The following HACE1 variants were observed in gnomAD, a reference collection of about 807,000 sequenced individuals.
HACE1 encodes E3 ubiquitin-protein ligase HACE1.
In HACE1, 73 loss-of-function variants were observed where a neutral mutation model predicts 118.4. The observed-to-expected ratio is 0.62, with a 90% CI of 0.51 to 0.75. HACE1 has a LOEUF of 0.75. Ranked by LOEUF, HACE1 falls within the 30% of genes least tolerant of loss-of-function variation. The probability of loss-of-function intolerance (pLI) is 0.00; values close to 1 mark genes in which losing one functional copy is unlikely to be tolerated. For missense variants in HACE1, 749 were observed against 1,102.2 expected (o/e 0.68, Z 4.54); for synonymous variants, 368 against 374.8 (o/e 0.98, Z 0.21).
intron 6 of HACE1, among the ~76,000 whole-genome samples, chr6:104,812,320 G>A (rs1343533914): frequency 6.6e-6 from 1 of 152,018 alleles, no homozygotes; most frequent in East Asian, 1.9e-4. Flanking sequence ...GCACATCATA[G>A]TAGTAGGCCT....
chr6:104,739,821 T>C (rs1206242911), intron 22 of HACE1, among the ~76,000 whole-genome samples: 5 of 151,574 alleles, frequency 3.3e-5, no homozygotes, highest in South Asian at 2.1e-4. Context: ...GCGGACCTAA[T>C]AGACATCTAC....
intron 22 of HACE1, among the ~76,000 whole-genome samples, chr6:104,736,447 G>A (rs1472232046): frequency 6.6e-6 from 1 of 151,970 alleles, no homozygotes; most frequent in African/African-American, 2.4e-5. Context: ...ACCATGCCCA[G>A]ATAATTTTTG....
In HACE1 at chr6:104,790,637, C is replaced by T. The variant is rs1432427310; in HGVS notation, c.1074+867G>A. Among the ~76,000 whole-genome samples, 3 of 152,214 alleles carry T rather than the reference C, an allele frequency of 2.0e-5. No individual in the cohort carries two copies. The East Asian group carries it at 5.8e-4, about 29-fold the overall frequency. On this transcript the variant is annotated intron_variant, in intron 11 of 23. Transcript: ENST00000262903. Reference sequence around the variant, plus strand: ...GGTATGGTGGCATGCACCTCTAGTCCCAGCTACTGGGGAGGTTGAGGTGGG... The same window carrying T: ...GGTATGGTGGCATGCACCTCTAGTCTCAGCTACTGGGGAGGTTGAGGTGGG...
intron 19 of HACE1, 40 bp from the exon 20 acceptor site, chr6:104,750,512 C>A (rs1391710396): frequency 1.3e-6 from 2 of 1,557,624 alleles, no homozygotes; most frequent in Non-Finnish European, 1.8e-6. Context: ...TTTCAAAAAC[C>A]TTTTACATAC....
intron 22 of HACE1, among the ~76,000 whole-genome samples, chr6:104,738,127 C>G (rs1292857953): frequency 6.6e-6 from 1 of 151,542 alleles, no homozygotes; most frequent in Admixed American, 6.6e-5. Flanking sequence ...AGAAGGAAAA[C>G]TAACAAACAG....
intron 4 of HACE1, among the ~76,000 whole-genome samples, chr6:104,848,161 T>C (rs1775843472): frequency 6.6e-6 from 1 of 151,096 alleles, no homozygotes; most frequent in Admixed American, 6.6e-5. Context: ...TTTACAGTGT[T>C]TGAAAGTGTT....
At chr6:104,751,760 T>C (rs1021221075) in intron 19 of HACE1, among the ~76,000 whole-genome samples, 1 of 152,148 alleles carries the variant, frequency 6.6e-6, no homozygotes, top group African/African-American at 2.4e-5. Flanking sequence ...TTATCATTTA[T>C]ATATTTTTTA....
In HACE1 at chr6:104,777,108, A is replaced by C. The variant is rs780801648; in HGVS notation, c.1681T>G (p.Ser561Ala). The C allele has an allele frequency of 1.2e-6, 2 of 1,602,424 alleles. No individual in the cohort carries two copies. The highest frequency in any genetic ancestry group is 2.7e-5 in the African/African-American group (2 of 74,862). ...ACTTCACAGCTACTCCTAAAAATAG[A>C]ATCTAAATATGTAGCATTGGTTAAT... ...ENDILLVHRD[S>A]IFRSSCEVVS... The change falls in exon 16 of 24, where the codon TCT becomes GCT. Residue 561 changes from serine to alanine, a missense_variant and splice_region_variant. Coordinates refer to ENST00000262903, the MANE Select transcript of HACE1 (RefSeq NM_020771.4).
At chr6:104,751,131 C>A (rs1191595698) in intron 19 of HACE1, among the ~76,000 whole-genome samples, 1 of 152,140 alleles carries the variant, frequency 6.6e-6, no homozygotes, top group Non-Finnish European at 1.5e-5. Context: ...TCTGGCTATT[C>A]CCAAAACACA....
At chr6:104,769,384 C>T (rs1348748548) in intron 19 of HACE1, among the ~76,000 whole-genome samples, 1 of 152,122 alleles carries the variant, frequency 6.6e-6, no homozygotes, top group East Asian at 1.9e-4. Context: ...ATAGTATTCA[C>T]AGATAAGAAT....
chr6:104,798,934 G>T (rs936662749), intron 7 of HACE1, among the ~76,000 whole-genome samples: 1 of 152,060 alleles, frequency 6.6e-6, no homozygotes, highest in Non-Finnish European at 1.5e-5. Flanking sequence ...TAAACTTCCT[G>T]ACAGTAGGCT....
At chr6:104,744,682 T>C (rs1369495474) in intron 20 of HACE1, 72 bp from the exon 21 acceptor site, 3 of 873,738 alleles carry the variant, frequency 3.4e-6, no homozygotes, top group African/African-American at 1.7e-5. Flanking sequence ...AGTGGTAAAT[T>C]TGCCATAATT....
chr6:104,737,938 T>C (rs1776115222), intron 22 of HACE1, among the ~76,000 whole-genome samples: 1 of 152,204 alleles, frequency 6.6e-6, no homozygotes, highest in South Asian at 2.1e-4. Flanking sequence ...GTCTCACAGC[T>C]TTGAGGAGAG....
At chr6:104,804,412 T>C (rs1288633140) in intron 7 of HACE1, among the ~76,000 whole-genome samples, 2 of 152,030 alleles carry the variant, frequency 1.3e-5, no homozygotes, top group East Asian at 3.9e-4. Flanking sequence ...GCCAAGACAA[T>C]CCTAAGCAAA....
chr6:104,743,235 C>T (rs909518078), intron 22 of HACE1, among the ~76,000 whole-genome samples: 5 of 150,674 alleles, frequency 3.3e-5, no homozygotes, highest in Non-Finnish European at 5.9e-5. Flanking sequence ...GTGGGTGCAG[C>T]GCACCAGCAT....
chr6:104,758,874 CAA>C (rs892659385), intron 19 of HACE1, among the ~76,000 whole-genome samples: 5 of 125,322 alleles, frequency 4.0e-5, no homozygotes, highest in African/African-American at 2.9e-5. Context: ...AAATGGAAAG[CAA>C]AAAAAAAAAA....
chr6:104,851,028 TA>T (rs555844271), intron 2 of HACE1, 32 bp from the exon 3 acceptor site: 4 of 1,294,084 alleles, frequency 3.1e-6, no homozygotes, highest in East Asian at 2.3e-5. Flanking sequence ...GAATCAAGTG[TA>T]AAAAAAGTTT....
chr6:104,791,439 G>A, intron 11 of HACE1, 65 bp downstream of exon 11: 2 of 1,366,072 alleles, frequency 1.5e-6, no homozygotes, highest in East Asian at 2.3e-5. Flanking sequence ...ATTAATGAAT[G>A]CATGCTTTGT....
intron 6 of HACE1, among the ~76,000 whole-genome samples, chr6:104,816,792 T>A (rs1377684138): frequency 6.6e-6 from 1 of 152,162 alleles, no homozygotes; most frequent in Non-Finnish European, 1.5e-5. Context: ...GTGGAAGCAG[T>A]CTAGGGGGCT....
Sources: gnomAD v4.1 joint callset for allele counts (sites outside exome capture counted in the v4.1 genomes callset) on GRCh38, gnomAD v4.1.1 for gene constraint, MANE v1.5 for transcripts, NCBI Gene and HGNC (gene_info 2026-07-23, HGNC 2026-07-21) for gene names.